TM4SF4: variants seen among roughly 807,000 people sequenced by gnomAD.
TM4SF4 encodes transmembrane 4 L six family member 4.
A neutral mutation model predicts 24.1 loss-of-function variants in TM4SF4; 24 were observed. That is an observed-to-expected ratio of 1.00 (90% CI 0.72 to 1.40). TM4SF4 has a LOEUF of 1.40. TM4SF4 is among the 40% of genes most tolerant of loss of function. The pLI is 0.00. For synonymous variants in TM4SF4, 113 were observed against 97.0 expected, an observed-to-expected ratio of 1.17 and a Z score of -0.97; for missense variants, 254 against 254.2, an observed-to-expected ratio of 1.00 and a Z score of 0.01.
At chr3:149,500,909 C>T (rs1304422157) in intron 4 of TM4SF4, among the ~76,000 whole-genome samples, 2 of 151,674 alleles carry the variant, frequency 1.3e-5, no homozygotes, top group African/African-American at 4.8e-5. Flanking sequence ...CCTGTAGTCC[C>T]AGCTACTCAG....
chr3:149,488,593 A>C (rs1734160436), intron 3 of TM4SF4, among the ~76,000 whole-genome samples: 1 of 152,224 alleles, frequency 6.6e-6, no homozygotes, highest in African/African-American at 2.4e-5. Flanking sequence ...TAAAGTTAAA[A>C]ATTCAGTTCC....
intron 2 of TM4SF4, among the ~76,000 whole-genome samples, chr3:149,476,543 A>T (rs1733930906): frequency 2.6e-5 from 4 of 152,144 alleles, no homozygotes. Flanking sequence ...TGGGGACAGG[A>T]CCCATTCTGC....
At chr3:149,476,257 G>A (rs981214976) in intron 2 of TM4SF4, among the ~76,000 whole-genome samples, 11 of 152,172 alleles carry the variant, frequency 7.2e-5, no homozygotes, top group African/African-American at 2.7e-4. Flanking sequence ...TAAGAACTTG[G>A]ACAAGTCATT....
chr3:149,497,108 G>A (rs966861619), intron 3 of TM4SF4, among the ~76,000 whole-genome samples: 2 of 152,198 alleles, frequency 1.3e-5, no homozygotes, highest in Non-Finnish European at 2.9e-5. Context: ...TCAAACCCGG[G>A]TACATCTGAA....
rs1734266541 is a variant in TM4SF4 at position 149,494,084 on chromosome 3, C to T, written c.402-4638C>T. Among the ~76,000 whole-genome samples the T allele has an allele frequency of 2.6e-5, 4 of 152,220 alleles. No individual in the cohort carries two copies. In the South Asian group the frequency reaches 8.3e-4, roughly 32 times the overall value. On this transcript the variant is annotated intron_variant, in intron 3 of 4. Coordinates refer to ENST00000305354, the MANE Select transcript of TM4SF4 (RefSeq NM_004617.4). ...ATCTAAACTGCTTCTGCTCTCCTTG[C>T]TTCACTGCCAGGTCCATGAAAAACT... is the stretch of plus-strand genomic sequence containing the variant.
At chr3:149,485,683 C>T (rs1324178911) in intron 2 of TM4SF4, among the ~76,000 whole-genome samples, 2 of 152,060 alleles carry the variant, frequency 1.3e-5, no homozygotes, top group African/African-American at 4.8e-5. Flanking sequence ...AGTCCTAGCT[C>T]CTTAGGAGAC....
rs113976661 is a variant in TM4SF4, at chr3:149,503,084, G to A, written c.*391G>A. The stretch of plus-strand genomic sequence containing the variant: ...GTTTTACATAAATCAAAGGAAGAAA[G>A]CACATTTAAAATGAGAAACTAAGAC... On this transcript the variant is annotated 3_prime_UTR_variant, in exon 5 of 5. Coordinates refer to ENST00000305354, the MANE Select transcript of TM4SF4 (RefSeq NM_004617.4). 1.5e-3 allele frequency: 237 copies of A among 163,318 alleles called. 1 individual carries two copies. Among genetic ancestry groups the A allele is most frequent in the Non-Finnish European group, 2.4e-3 (179 of 75,664 alleles). The allele number at this position is 163,318 out of a possible 1,614,324, so 10.1% of individuals were successfully genotyped here.
intron 2 of TM4SF4, among the ~76,000 whole-genome samples, chr3:149,476,814 G>GTTTTTTTTTT (rs67092416): frequency 1.2e-5 from 1 of 81,208 alleles, no homozygotes; most frequent in African/African-American, 4.8e-5. Flanking sequence ...TTTTGTTTTT[G>GTTTTTTTTTT]TTTTTTTTTT....
At chr3:149,494,966 C>T in intron 3 of TM4SF4, 1 of 180,404 alleles carries the variant, frequency 5.5e-6, no homozygotes, top group Non-Finnish European at 1.2e-5. Context: ...AGGCACATCT[C>T]AGTCTGACTG....
At chr3:149,502,612 G>A (rs368620248) in intron 4 of TM4SF4, 64 bp from the exon 5 acceptor site, 2 of 1,194,096 alleles carry the variant, frequency 1.7e-6, no homozygotes, top group African/African-American at 1.5e-5. Context: ...ATGGGAAGGA[G>A]GGGAAAAGCA....
rs376598365 is a variant in TM4SF4, at chr3:149,502,677, G to A, written c.593G>A (p.Gly198Glu). 9.9e-5 allele frequency: 159 copies of A among 1,605,058 alleles called. 1 individual carries two copies. The South Asian group carries it at 1.3e-3, about 13-fold the overall frequency. ...GDCQCCGCCG[G>E]DGPV ...TAATTCACCTTTTCTACCTTCTAGG[G>A]AGATGGACCCGTTTAAACCTCCGAG... The change falls in exon 5 of 5, where the codon GGA (glycine) becomes GAA (glutamate). Residue 198 changes from glycine to glutamate, a missense_variant and splice_region_variant. Gly to Glu is a moderately conservative substitution (Grantham distance 98). Transcript: ENST00000305354.
At chr3:149,489,439 A>G (rs1734173143) in intron 3 of TM4SF4, among the ~76,000 whole-genome samples, 1 of 152,252 alleles carries the variant, frequency 6.6e-6, no homozygotes, top group Non-Finnish European at 1.5e-5. Flanking sequence ...ATCTATGTCC[A>G]AAACAAAGGA....
intron 2 of TM4SF4, among the ~76,000 whole-genome samples, chr3:149,485,370 G>A (rs562008081): frequency 2.0e-5 from 3 of 152,258 alleles, no homozygotes; most frequent in Admixed American, 1.3e-4. Context: ...TTCTGACCTA[G>A]GTTAAAGTCA....
rs187693412 is a variant in TM4SF4, at chr3:149,492,397, C to T, written c.401+4642C>T. On this transcript the variant is annotated intron_variant, in intron 3 of 4. Transcript: ENST00000305354. ...CCTGAGAACCATATTAAAGAACACC[C>T]TAGAAGGAAAAAGAAACCTGGGCAT... 2.3e-3 allele frequency among the ~76,000 whole-genome samples: 348 copies of T among 152,124 alleles called. 3 individuals carry two copies. Among genetic ancestry groups the T allele is most frequent in the African/African-American group, 8.1e-3 (336 of 41,504 alleles).
chr3:149,482,584 C>T (rs976193796), intron 2 of TM4SF4, among the ~76,000 whole-genome samples: 1 of 152,314 alleles, frequency 6.6e-6, no homozygotes, highest in Non-Finnish European at 1.5e-5. Flanking sequence ...GGCTCTGTTG[C>T]CCAGGCTGAA....
intron 2 of TM4SF4, among the ~76,000 whole-genome samples, chr3:149,486,915 A>G (rs1409917543): frequency 6.6e-6 from 1 of 152,194 alleles, no homozygotes; most frequent in African/African-American, 2.4e-5. Context: ...CACATGAGAC[A>G]TCACAGTGAC....
At chr3:149,494,978 G>T (rs66711088) in intron 3 of TM4SF4, 1 of 199,826 alleles carries the variant, frequency 5.0e-6, no homozygotes, top group Non-Finnish European at 1.0e-5. Flanking sequence ...GTCTGACTGT[G>T]CTATCCTGAT....
intron 3 of TM4SF4, among the ~76,000 whole-genome samples, chr3:149,497,180 A>G (rs1482757783): frequency 6.6e-6 from 1 of 152,212 alleles, no homozygotes; most frequent in Non-Finnish European, 1.5e-5. Flanking sequence ...TAATGACAAT[A>G]CTAGCCTTTA....
intron 3 of TM4SF4, among the ~76,000 whole-genome samples, chr3:149,491,704 G>A: frequency 6.6e-6 from 1 of 152,144 alleles, no homozygotes; most frequent in Admixed American, 6.6e-5. Flanking sequence ...TGAACACATG[G>A]AACAGATCCT....
Sources: gnomAD v4.1 joint callset for allele counts (sites outside exome capture counted in the v4.1 genomes callset) on GRCh38, gnomAD v4.1.1 for gene constraint, MANE v1.5 for transcripts, NCBI Gene and HGNC (gene_info 2026-07-23, HGNC 2026-07-21) for gene names.